Variants in NUP133 observed in about 807,000 individuals in gnomAD.
NUP133 encodes the protein nuclear pore complex protein Nup133.
In NUP133, 66 loss-of-function variants were observed where a neutral mutation model predicts 146.2. The ratio of observed to expected loss-of-function variants is 0.45; its 90% CI spans 0.37 to 0.55. The LOEUF is 0.55. Ranked by LOEUF, NUP133 falls within the 20% of genes least tolerant of loss-of-function variation. The probability of loss-of-function intolerance (pLI) is 0.00; values close to 1 mark genes in which losing one functional copy is unlikely to be tolerated. For missense variants in NUP133, 1,277 were observed against 1,374.8 expected, an observed-to-expected ratio of 0.93 and a Z score of 1.12; for synonymous variants, 521 against 498.8, an observed-to-expected ratio of 1.04 and a Z score of -0.59.
rs571285091 is a variant in NUP133 at position 229,460,603 on chromosome 1, C to T, written c.2844+8G>A. The T allele has an allele frequency of 6.2e-7, 1 of 1,610,046 alleles. No individual in the cohort carries two copies. The highest frequency in any genetic ancestry group is 1.1e-5 in the South Asian group (1 of 89,956). On this transcript the variant is annotated splice_region_variant and intron_variant, in intron 20 of 25. Coordinates refer to ENST00000261396, the MANE Select transcript of NUP133 (RefSeq NM_018230.3). ...CACACATCTGCTCCATAGAAAAATCCTTCTTACCTTTTCTAATTCTTGGCT... is the reference window on the plus strand; with the variant it reads ...CACACATCTGCTCCATAGAAAAATCTTTCTTACCTTTTCTAATTCTTGGCT...
Position 229,441,367 on chromosome 1 carries a change from T to C in NUP133, c.*537A>G. ...ATGCTCCCAATGAGTTCATCAGTTA[T>C]CAAGCTCACATGAGTTAGGCCCACT... On this transcript the variant is annotated 3_prime_UTR_variant, in exon 26 of 26. Transcript: ENST00000261396. 3 of 527,706 alleles carry C rather than the reference T, an allele frequency of 5.7e-6. No homozygotes were observed. In the Middle Eastern group the frequency reaches 9.6e-4, roughly 168 times the overall value. The allele number at this position is 527,706 out of a possible 1,614,324, so 32.7% of individuals were successfully genotyped here.
In NUP133 at chr1:229,500,796, A is replaced by G; in HGVS notation, c.473T>C (p.Leu158Pro). Residue 158 changes from leucine to proline, a missense_variant, in exon 4 of 26, where the codon CTT becomes CCT. Transcript: ENST00000261396. The stretch of plus-strand genomic sequence containing the variant: ...TTCACCTGAGGGAGAAGAGTAAGAA[A>G]GAGCCACTAAGTCGGCACTCCAGTG... ...DFHWSADLVALSYSSPSGEAH... is the reference protein window; with the variant it reads ...DFHWSADLVAPSYSSPSGEAH... The G allele has an allele frequency of 6.2e-7, 1 of 1,613,384 alleles. No individual in the cohort carries two copies. Among genetic ancestry groups the G allele is most frequent in the South Asian group, 1.1e-5 (1 of 90,992 alleles).
At chr1:229,481,875 C>G (rs1661220914) in intron 12 of NUP133, among the ~76,000 whole-genome samples, 1 of 152,166 alleles carries the variant, frequency 6.6e-6, no homozygotes, top group Admixed American at 6.5e-5. Context: ...GCCTCGCTCT[C>G]AGACTTCTGG....
At chr1:229,502,714 C>T (rs1571942600) in intron 2 of NUP133, among the ~76,000 whole-genome samples, 1 of 151,360 alleles carries the variant, frequency 6.6e-6, no homozygotes, top group South Asian at 2.1e-4. Flanking sequence ...GTGGCTCATG[C>T]TTATAAATCC....
intron 21 of NUP133, among the ~76,000 whole-genome samples, chr1:229,455,475 C>CA (rs1660539482): frequency 6.6e-6 from 1 of 152,284 alleles, no homozygotes; most frequent in African/African-American, 2.4e-5. Flanking sequence ...GCAAGAGCAT[C>CA]ACCTGAGTCT....
At chr1:229,487,375 A>G in intron 10 of NUP133, 91 bp downstream of exon 10, 1 of 1,237,796 alleles carries the variant, frequency 8.1e-7, no homozygotes, top group South Asian at 1.3e-5. Flanking sequence ...TGAAAGCAGC[A>G]TGCTTGAAGT....
intron 10 of NUP133, 140 bp downstream of exon 10, chr1:229,487,326 A>C: frequency 2.6e-6 from 2 of 780,010 alleles, no homozygotes; most frequent in East Asian, 2.8e-5. Flanking sequence ...TTATGGCTTC[A>C]GCTGCTGTAG....
At chr1:229,450,698 G>A in intron 22 of NUP133, 93 bp from the exon 23 acceptor site, 1 of 574,196 alleles carries the variant, frequency 1.7e-6, no homozygotes, top group Non-Finnish European at 3.0e-6. Context: ...TGTCTTGTAA[G>A]GAAGTTGTAG....
At chr1:229,458,993 C>T (rs1324467724) in intron 20 of NUP133, among the ~76,000 whole-genome samples, 1 of 151,884 alleles carries the variant, frequency 6.6e-6, no homozygotes, top group Non-Finnish European at 1.5e-5. Context: ...ATAAGAAATG[C>T]TTTTAAATTT....
chr1:229,458,632 C>T (rs1355235838), intron 20 of NUP133, among the ~76,000 whole-genome samples: 2 of 151,452 alleles, frequency 1.3e-5, no homozygotes, highest in Admixed American at 1.3e-4. Context: ...ATACTCATTG[C>T]AAAAAGGCCA....
At chr1:229,470,535 A>T in intron 15 of NUP133, 45 bp downstream of exon 15, 1 of 1,486,872 alleles carries the variant, frequency 6.7e-7, no homozygotes, top group Non-Finnish European at 9.4e-7. Flanking sequence ...ATGATCACTA[A>T]ATGGCACAGT....
chr1:229,500,903 T>G (rs766315656), intron 3 of NUP133, 40 bp from the exon 4 acceptor site: 1 of 1,343,932 alleles, frequency 7.4e-7, no homozygotes, highest in South Asian at 1.2e-5. Context: ...TCACATCAAA[T>G]CCAGTATTTT....
At chr1:229,484,445 G>A (rs975776237) in intron 11 of NUP133, among the ~76,000 whole-genome samples, 2 of 152,144 alleles carry the variant, frequency 1.3e-5, no homozygotes, top group African/African-American at 2.4e-5. Context: ...ATCCTGGGCC[G>A]CATGCAGCCC....
chr1:229,464,661 T>C lies in NUP133; in HGVS notation c.2514A>G (p.Glu838=). The C allele has an allele frequency of 1.2e-6, 2 of 1,614,176 alleles. No homozygotes were observed. The highest frequency in any genetic ancestry group is 1.7e-6 in the Non-Finnish European group (2 of 1,179,984). The change falls in exon 18 of 26, where the codon GAA becomes GAG. Residue 838 remains glutamate, a synonymous_variant. Transcript: ENST00000261396. ...AGAGATCTGATCTTTTCTGTAGGTA[T>C]TCCATCTCCAGATTGTCATATCTTT... ...NRERYDNLEM[E]YLQKRSDLLS...
chr1:229,466,670 C>T lies in NUP133; in HGVS notation c.2163G>A (p.Trp721Ter). ...TGTTCACATTGATCACCACTTCAGC[C>T]CATTCAATGGAATCCATAGGTGCAT... Reference protein sequence around the residue: ...LRDAPMDSIEWAEVVINVNNI... With the variant: ...LRDAPMDSIE The change falls in exon 16 of 26, where the codon TGG becomes TGA. Residue 721 changes from tryptophan to a stop codon, truncating the protein, a stop_gained. Transcript: ENST00000261396. LOFTEE classifies it high-confidence loss of function. 6.2e-7 allele frequency: 1 copy of T among 1,613,976 alleles called. No homozygotes were observed. The highest frequency in any genetic ancestry group is 8.5e-7 in the Non-Finnish European group (1 of 1,179,938).
At chr1:229,446,150 T>C (rs1426247090) in intron 24 of NUP133, among the ~76,000 whole-genome samples, 1 of 152,184 alleles carries the variant, frequency 6.6e-6, no homozygotes, top group Admixed American at 6.5e-5. Flanking sequence ...CTCATGTCTG[T>C]AATCCCAGCA....
chr1:229,496,081 G>A, intron 6 of NUP133, 34 bp from the exon 7 acceptor site: 1 of 1,496,996 alleles, frequency 6.7e-7, no homozygotes, highest in Non-Finnish European at 8.9e-7. Context: ...CAAATTCACA[G>A]ATTAACTTCT....
intron 20 of NUP133, among the ~76,000 whole-genome samples, chr1:229,460,064 T>C (rs1263039939): frequency 6.6e-6 from 1 of 152,232 alleles, no homozygotes; most frequent in Non-Finnish European, 1.5e-5. Flanking sequence ...CGAACAAATG[T>C]ACGGTGATGT....
chr1:229,484,164 T>C lies in NUP133; in HGVS notation c.1501-19A>G, dbSNP rs1162722655. ...TCATACTCTGCAAAATAACAAAGTA[T>C]AGTTTAGAGGTAAAGGCATCTGAAT... On this transcript the variant is annotated intron_variant, in intron 11 of 25. Coordinates refer to ENST00000261396, the MANE Select transcript of NUP133 (RefSeq NM_018230.3). 1 of 1,567,138 alleles carries C rather than the reference T, an allele frequency of 6.4e-7. No homozygotes were observed. The highest frequency in any genetic ancestry group is 1.7e-5 in the Admixed American group (1 of 59,104).
Sources: gnomAD v4.1 joint callset for allele counts (sites outside exome capture counted in the v4.1 genomes callset) on GRCh38, gnomAD v4.1.1 for gene constraint, MANE v1.5 for transcripts, NCBI Gene and HGNC (gene_info 2026-07-23, HGNC 2026-07-21) for gene names.